Variants in ARHGEF28 observed in about 807,000 individuals in gnomAD.
ARHGEF28 encodes the protein Rho guanine nucleotide exchange factor 28, also known as 190 kDa guanine nucleotide exchange factor.
ARHGEF28 carries 152 observed loss-of-function variants against 206.6 expected under a neutral mutation model. The observed-to-expected ratio is 0.74, with a 90% CI of 0.64 to 0.84. The LOEUF is 0.84. Ranked by LOEUF, ARHGEF28 falls within the 40% of genes least tolerant of loss-of-function variation. The probability of loss-of-function intolerance (pLI) is 0.00; values close to 1 mark genes in which losing one functional copy is unlikely to be tolerated. For synonymous variants in ARHGEF28, 763 were observed against 776.4 expected (o/e 0.98, Z 0.29); for missense variants, 2,028 against 2,073.2 (o/e 0.98, Z 0.42).
intron 1 of ARHGEF28, among the ~76,000 whole-genome samples, chr5:73,673,529 A>C (rs1561324567): frequency 2.6e-5 from 4 of 152,190 alleles, no homozygotes. Flanking sequence ...CATCAGGTTT[A>C]GGCTGAGCTG....
At chr5:73,754,446 G>A (rs1000561026) in intron 4 of ARHGEF28, among the ~76,000 whole-genome samples, 77 of 152,006 alleles carry the variant, frequency 5.1e-4, no homozygotes, top group African/African-American at 1.6e-3. Context: ...TACGTATGGC[G>A]TGGGCTCCCT....
At chr5:73,880,220 AC>A (rs1760825942) in intron 22 of ARHGEF28, among the ~76,000 whole-genome samples, 1 of 151,968 alleles carries the variant, frequency 6.6e-6, no homozygotes, top group African/African-American at 2.4e-5. Context: ...TGGGTGTAGG[AC>A]CCTCCGAGCC....
intron 9 of ARHGEF28, among the ~76,000 whole-genome samples, chr5:73,798,990 G>A (rs1474913869): frequency 1.3e-5 from 2 of 152,178 alleles, no homozygotes; most frequent in Non-Finnish European, 2.9e-5. Flanking sequence ...GGGGGCTGAG[G>A]CAGGACAATG....
chr5:73,749,335 A>G (rs1265058872), intron 2 of ARHGEF28, among the ~76,000 whole-genome samples: 1 of 152,162 alleles, frequency 6.6e-6, no homozygotes, highest in African/African-American at 2.4e-5. Context: ...ACAGGATAAA[A>G]ATTAACTCAA....
intron 7 of ARHGEF28, among the ~76,000 whole-genome samples, chr5:73,784,436 GTCT>G (rs755430463): frequency 3.3e-5 from 5 of 152,112 alleles, no homozygotes; most frequent in African/African-American, 7.2e-5. Context: ...TGGCCAAAAA[GTCT>G]TCTTATTTTA....
chr5:73,767,481 G>A (rs928202270), intron 4 of ARHGEF28, among the ~76,000 whole-genome samples: 1 of 152,144 alleles, frequency 6.6e-6, no homozygotes, highest in Admixed American at 6.5e-5. Context: ...TGAGGAACTT[G>A]TTGAGAACTG....
intron 9 of ARHGEF28, among the ~76,000 whole-genome samples, chr5:73,818,487 T>C (rs1243225122): frequency 6.6e-6 from 1 of 152,186 alleles, no homozygotes; most frequent in Non-Finnish European, 1.5e-5. Context: ...AAATGATAGC[T>C]GAATACCATA....
chr5:73,882,661 T>C, intron 23 of ARHGEF28, 67 bp downstream of exon 23: 1 of 1,338,512 alleles, frequency 7.5e-7, no homozygotes, highest in Non-Finnish European at 9.9e-7. Context: ...TGCTTGTTTC[T>C]TAATGATTTA....
At chr5:73,888,715 C>T (rs1391261888) in intron 26 of ARHGEF28, among the ~76,000 whole-genome samples, 1 of 152,170 alleles carries the variant, frequency 6.6e-6, no homozygotes, top group East Asian at 1.9e-4. Context: ...GATTCAGATC[C>T]TGTAATGCTC....
intron 9 of ARHGEF28, among the ~76,000 whole-genome samples, chr5:73,811,276 C>A (rs1298391615): frequency 6.6e-6 from 1 of 152,182 alleles, no homozygotes; most frequent in African/African-American, 2.4e-5. Flanking sequence ...AGCCTCAGAA[C>A]AATGGGTTTT....
rs770982865 is a variant in ARHGEF28, at chr5:73,887,594, T to C, written c.3311-9T>C. 1 of 1,546,098 alleles carries C rather than the reference T, an allele frequency of 6.5e-7. No individual in the cohort carries two copies. Among genetic ancestry groups the C allele is most frequent in the Admixed American group, 2.0e-5 (1 of 49,332 alleles). ...CTTCATTAATACTAGTAATGTTTTT[T>C]CTTTAAAGATATCCTAGCTCTACTT... On this transcript the variant is annotated splice_polypyrimidine_tract_variant and intron_variant, in intron 25 of 35. Transcript: ENST00000513042.
At chr5:73,727,464 T>C (rs73762180) in intron 2 of ARHGEF28, among the ~76,000 whole-genome samples, 6,864 of 152,250 alleles carry the variant, frequency 0.045, 529 homozygotes, top group African/African-American at 0.16. Flanking sequence ...GAATAGATGG[T>C]CATCTACTCT....
intron 35 of ARHGEF28, among the ~76,000 whole-genome samples, chr5:73,916,148 T>C (rs1349571505): frequency 2.6e-5 from 4 of 152,152 alleles, no homozygotes; most frequent in Admixed American, 6.5e-5. Context: ...AATGAAAACC[T>C]ATGCCATACT....
intron 9 of ARHGEF28, among the ~76,000 whole-genome samples, chr5:73,829,826 G>A (rs983105293): frequency 6.6e-6 from 1 of 152,158 alleles, no homozygotes; most frequent in East Asian, 1.9e-4. Context: ...GAATATAGGT[G>A]AATATATCCA....
chr5:73,758,334 T>G (rs1580576995), intron 4 of ARHGEF28, among the ~76,000 whole-genome samples: 2 of 152,216 alleles, frequency 1.3e-5, no homozygotes, highest in Admixed American at 6.5e-5. Flanking sequence ...ATGTTTACAC[T>G]TACAAACTAA....
intron 9 of ARHGEF28, among the ~76,000 whole-genome samples, chr5:73,820,747 A>G (rs1279683247): frequency 6.6e-6 from 1 of 152,094 alleles, no homozygotes; most frequent in Non-Finnish European, 1.5e-5. Context: ...CAGGTGCTCA[A>G]TTCAGGCCAC....
At chr5:73,887,568 G>A in intron 25 of ARHGEF28, 35 bp from the exon 26 acceptor site, 1 of 1,455,396 alleles carries the variant, frequency 6.9e-7, no homozygotes, top group Non-Finnish European at 9.3e-7. Context: ...ACTGTGGTTT[G>A]CTTCATTAAT....
chr5:73,937,378 C>T lies in ARHGEF28; in HGVS notation c.4949-3466C>T, dbSNP rs153971. 6.3e-3 allele frequency among the ~76,000 whole-genome samples: 964 copies of T among 152,232 alleles called. 71 individuals carry two copies. In the East Asian group the frequency reaches 0.15, roughly 24 times the overall value. Reference sequence around the variant, plus strand: ...GCAGAAAAAACTCTCAATCAAGATCCCACTTTTCTACTTGGTTTAGTCAGG... The same window carrying T: ...GCAGAAAAAACTCTCAATCAAGATCTCACTTTTCTACTTGGTTTAGTCAGG... On this transcript the variant is annotated intron_variant, in intron 35 of 35. Transcript: ENST00000513042.
chr5:73,875,201 G>A (rs1358408567), intron 22 of ARHGEF28, among the ~76,000 whole-genome samples: 1 of 151,938 alleles, frequency 6.6e-6, no homozygotes. Flanking sequence ...GTGTCTTTTG[G>A]CTGCATAAAT....
Sources: allele counts gnomAD v4.1 joint callset (sites outside exome capture counted in the v4.1 genomes callset), GRCh38; gene constraint gnomAD v4.1.1; transcripts MANE v1.5; gene names NCBI Gene and HGNC (gene_info 2026-07-23, HGNC 2026-07-21).